The following GRM8 variants were observed in gnomAD, a reference collection of about 807,000 sequenced individuals.
GRM8 encodes glutamate metabotropic receptor 8.
In GRM8, 47 loss-of-function variants were observed where a neutral mutation model predicts 87.2. The ratio of observed to expected loss-of-function variants is 0.54; its 90% CI spans 0.43 to 0.69. The LOEUF (loss-of-function observed/expected upper bound fraction) is 0.69. Ranked by LOEUF, GRM8 falls within the 30% of genes least tolerant of loss-of-function variation. The pLI is 0.00. For synonymous variants in GRM8, 396 were observed against 404.5 expected, an observed-to-expected ratio of 0.98 and a Z score of 0.25; for missense variants, 1,019 against 1,139.2, an observed-to-expected ratio of 0.89 and a Z score of 1.52.
chr7:126,828,253 T>A (rs1795013843), intron 6 of GRM8, among the ~76,000 whole-genome samples: 1 of 152,228 alleles, frequency 6.6e-6, no homozygotes, highest in Admixed American at 6.5e-5. Context: ...GATTCCCTCT[T>A]TTTCTATTGA....
rs552798345 is a variant in GRM8 at position 126,838,063 on chromosome 7, T to C, written c.1156+64479A>G. Among the ~76,000 whole-genome samples the C allele has an allele frequency of 6.8e-4, 104 of 152,342 alleles. 1 individual carries two copies. Among genetic ancestry groups the C allele is most frequent in the Middle Eastern group, 3.4e-3 (1 of 294 alleles). The stretch of plus-strand genomic sequence containing the variant: ...ATTGCCTCAAGTCTGAAAATCTTGA[T>C]AGATACTCCATTGTAAATACTACCT... On this transcript the variant is annotated intron_variant, in intron 6 of 10. Transcript: ENST00000339582.
rs563478544 is a variant in GRM8 at position 126,732,312 on chromosome 7, A to T, written c.1357+37553T>A. 2.6e-5 allele frequency among the ~76,000 whole-genome samples: 4 copies of T among 152,282 alleles called. No individual in the cohort carries two copies. In the South Asian group the frequency reaches 6.2e-4, roughly 24 times the overall value. On this transcript the variant is annotated intron_variant, in intron 7 of 10. Transcript: ENST00000339582. ...TAAAAGGCCCATTAAGAAATTATGTAATTAAGTCTTCTATATCCATTCGGA... is the reference window on the plus strand; with the variant it reads ...TAAAAGGCCCATTAAGAAATTATGTTATTAAGTCTTCTATATCCATTCGGA...
intron 8 of GRM8, among the ~76,000 whole-genome samples, chr7:126,579,588 T>C (rs1795423286): frequency 6.6e-6 from 1 of 152,176 alleles, no homozygotes; most frequent in Non-Finnish European, 1.5e-5. Flanking sequence ...CATGTCATCA[T>C]TGTCCAACTA....
rs1453005761 is a variant in GRM8 at position 127,216,534 on chromosome 7, AC to A, written c.510+26160del. Among the ~76,000 whole-genome samples the A allele has an allele frequency of 9.6e-3, 1,368 of 142,784 alleles. 79 individuals are homozygous for A. Among genetic ancestry groups the A allele is most frequent in the African/African-American group, 0.027 (1,001 of 36,510 alleles). 93.7% of individuals were successfully genotyped at this position (142,784 alleles called of 152,430 possible). A position where few individuals can be genotyped will look rare whatever the true frequency, so the allele number is the denominator to read the frequency against. On this transcript the variant is annotated intron_variant, in intron 2 of 10. Transcript: ENST00000339582. ...CTCCGTCTCAAAAAAAAAAAAAAAA[AC>A]AAAAAAAAAAAAAGAAGAAGCTGAG... is the stretch of plus-strand genomic sequence containing the variant.
At chr7:126,983,617 G>A (rs1464009669) in intron 3 of GRM8, among the ~76,000 whole-genome samples, 1 of 152,162 alleles carries the variant, frequency 6.6e-6, no homozygotes, top group Non-Finnish European at 1.5e-5. Flanking sequence ...GACTGACCCA[G>A]ACTATCAAGA....
intron 6 of GRM8, among the ~76,000 whole-genome samples, chr7:126,806,067 C>T (rs1792656707): frequency 6.6e-6 from 1 of 152,170 alleles, no homozygotes; most frequent in Non-Finnish European, 1.5e-5. Context: ...GGTTCTTGGT[C>T]TTGCTGACTT....
chr7:127,001,293 A>G (rs1458725132), intron 3 of GRM8, among the ~76,000 whole-genome samples: 1 of 151,678 alleles, frequency 6.6e-6, no homozygotes, highest in Non-Finnish European at 1.5e-5. Context: ...AAATCTCCTA[A>G]AAGGAGAAAA....
intron 3 of GRM8, among the ~76,000 whole-genome samples, chr7:127,083,970 C>T (rs983490128): frequency 7.2e-5 from 11 of 152,042 alleles, no homozygotes; most frequent in Admixed American, 1.3e-4. Flanking sequence ...ACATACTACC[C>T]GGAAATATGA....
At chr7:127,130,483 T>A (rs935943509) in intron 2 of GRM8, among the ~76,000 whole-genome samples, 2 of 152,158 alleles carry the variant, frequency 1.3e-5, no homozygotes, top group Non-Finnish European at 2.9e-5. Flanking sequence ...ATAAGGAACT[T>A]ATTGAGAACT....
chr7:126,899,967 C>T (rs1035009545), intron 6 of GRM8, among the ~76,000 whole-genome samples: 5 of 152,102 alleles, frequency 3.3e-5, no homozygotes, highest in Admixed American at 3.3e-4. Context: ...ACGCACCTGT[C>T]TTTCTCCTGG....
chr7:126,563,358 T>C (rs566591947), intron 8 of GRM8, among the ~76,000 whole-genome samples: 1 of 152,142 alleles, frequency 6.6e-6, no homozygotes, highest in South Asian at 2.1e-4. Flanking sequence ...GTGCAAATAC[T>C]AAGAAATTGT....
intron 2 of GRM8, among the ~76,000 whole-genome samples, chr7:127,136,339 C>T (rs1164860638): frequency 6.6e-6 from 1 of 151,992 alleles, no homozygotes; most frequent in East Asian, 1.9e-4. Context: ...ATGATTTACC[C>T]CTAATAGCCA....
intron 6 of GRM8, among the ~76,000 whole-genome samples, chr7:126,895,818 A>G (rs1801490751): frequency 6.6e-6 from 1 of 152,046 alleles, no homozygotes; most frequent in Non-Finnish European, 1.5e-5. Context: ...ATCAATGTGA[A>G]GAATATTAAA....
chr7:126,993,858 C>T (rs995238622), intron 3 of GRM8, among the ~76,000 whole-genome samples: 12 of 152,190 alleles, frequency 7.9e-5, no homozygotes, highest in African/African-American at 2.7e-4. Context: ...AGTCTTGCTA[C>T]TGCAGGCTAA....
intron 9 of GRM8, among the ~76,000 whole-genome samples, chr7:126,500,235 C>T (rs950972190): frequency 1.3e-5 from 2 of 151,892 alleles, no homozygotes; most frequent in Non-Finnish European, 2.9e-5. Context: ...GTCCTCTCTC[C>T]CCTGCCCCCT....
Position 127,075,503 on chromosome 7 carries a change from T to C in GRM8, c.727+30993A>G, listed in dbSNP as rs141884346. Among the ~76,000 whole-genome samples, 198 of 152,150 alleles carry C rather than the reference T, an allele frequency of 1.3e-3. 1 individual carries two copies. The highest frequency in any genetic ancestry group is 4.6e-3 in the African/African-American group (191 of 41,520). ...TTAAACTTTTAGTCAGGGCGAAGTA[T>C]ATGTGGGGCAGGGGGTCGGGGGGAG... is the stretch of plus-strand genomic sequence containing the variant. On this transcript the variant is annotated intron_variant, in intron 3 of 10. Transcript: ENST00000339582.
intron 7 of GRM8, among the ~76,000 whole-genome samples, chr7:126,725,333 T>C (rs1191482373): frequency 1.3e-5 from 2 of 152,190 alleles, no homozygotes; most frequent in African/African-American, 2.4e-5. Flanking sequence ...AGGCCCCAGA[T>C]TGTGATGCTC....
chr7:127,058,898 T>C (rs1449971697), intron 3 of GRM8, among the ~76,000 whole-genome samples: 3 of 152,250 alleles, frequency 2.0e-5, no homozygotes, highest in African/African-American at 4.8e-5. Context: ...AATGGGCGGT[T>C]TGTGCAGACT....
At chr7:126,984,525 T>C (rs1811858465) in intron 3 of GRM8, among the ~76,000 whole-genome samples, 1 of 152,244 alleles carries the variant, frequency 6.6e-6, no homozygotes, top group Admixed American at 6.5e-5. Context: ...TGCTAGATGC[T>C]TCCTGCCCTT....
Sources: allele counts gnomAD v4.1 joint callset (sites outside exome capture counted in the v4.1 genomes callset), GRCh38; gene constraint gnomAD v4.1.1; transcripts MANE v1.5; gene names NCBI Gene and HGNC (gene_info 2026-07-23, HGNC 2026-07-21).